The following STRIP1 variants were observed in gnomAD, a reference collection of about 807,000 sequenced individuals.
STRIP1 encodes striatin interacting protein 1, also known as striatin-interacting protein 1.
In STRIP1, 63 loss-of-function variants were observed where a neutral mutation model predicts 106.2. The ratio of observed to expected loss-of-function variants is 0.59; its 90% confidence interval spans 0.48 to 0.73. The LOEUF (loss-of-function observed/expected upper bound fraction) is 0.73. Among genes scored for constraint, STRIP1 ranks in the 30% least tolerant of loss-of-function variants. The pLI, the probability that STRIP1 is intolerant of heterozygous loss-of-function variation, is 0.00. For missense variants in STRIP1, 857 were observed against 1,074.8 expected (o/e 0.80, Z 2.83); for synonymous variants, 390 against 413.0 (o/e 0.94, Z 0.67).
intron 20 of STRIP1, among the ~76,000 whole-genome samples, chr1:110,052,275 T>C (rs1653334795): frequency 1.3e-5 from 2 of 152,130 alleles, no homozygotes; most frequent in African/African-American, 4.8e-5. Flanking sequence ...CTTTTTTACT[T>C]TGATGTTTTT....
chr1:110,037,096 A>G (rs761701220), intron 1 of STRIP1, among the ~76,000 whole-genome samples: 18 of 152,052 alleles, frequency 1.2e-4, no homozygotes, highest in Non-Finnish European at 1.6e-4. Flanking sequence ...CGGCCTCCCA[A>G]AGTGCTGGGA....
chr1:110,052,722 G>A (rs971024929), intron 20 of STRIP1, among the ~76,000 whole-genome samples: 9 of 151,986 alleles, frequency 5.9e-5, no homozygotes, highest in African/African-American at 1.5e-4. Context: ...CACCCACCTC[G>A]GCCTCCCAAA....
intron 19 of STRIP1, among the ~76,000 whole-genome samples, chr1:110,051,351 G>A (rs1653291948): frequency 6.6e-6 from 1 of 152,134 alleles, no homozygotes; most frequent in Non-Finnish European, 1.5e-5. Flanking sequence ...CTTAACTCTG[G>A]GTCTGTGGAT....
At chr1:110,033,968 A>G (rs546010535), upstream of STRIP1, among the ~76,000 whole-genome samples, 52 of 152,206 alleles carry the variant, frequency 3.4e-4, no homozygotes, top group Non-Finnish European at 6.0e-4. Context: ...GTTGAGTCTA[A>G]TTCCTCTTCT....
rs1652640493 is a variant in STRIP1 at position 110,039,279 on chromosome 1, G to A, written c.433G>A (p.Ala145Thr). 2 of 1,614,174 alleles carry A rather than the reference G, an allele frequency of 1.2e-6. No homozygotes were observed. Among genetic ancestry groups the A allele is most frequent in the Admixed American group, 1.7e-5 (1 of 60,022 alleles). ...VTAREKRLKV[A>T]RAILYVAQGT... ...TGCCAGGGAGAAGAGACTCAAGGTG[G>A]CTCGAGCAATTCTCTATGTTGCTCA... Residue 145 changes from alanine (A) to threonine (T), a missense_variant, in exon 4 of 21, where the codon GCT (alanine) becomes ACT (threonine). By Grantham distance (58) the Ala-to-Thr change is moderately conservative. Coordinates refer to ENST00000369795, the MANE Select transcript of STRIP1 (RefSeq NM_033088.4).
chr1:110,043,831 G>C lies in STRIP1; in HGVS notation c.1261G>C (p.Gly421Arg), dbSNP rs765701364. Reference protein sequence around the residue: ...PQTDRLTCPKGLPWAPKVREK... With the variant: ...PQTDRLTCPKRLPWAPKVREK... The stretch of plus-strand genomic sequence containing the variant: ...GACTGACAGGCTGACTTGCCCCAAA[G>C]GGCTCCCGTGGGCTCCCAAGGTCAG... Residue 421 changes from glycine to arginine, a missense_variant, in exon 10 of 21, where the codon GGG (glycine) becomes CGG (arginine). Gly to Arg is a moderately radical substitution (Grantham distance 125). This residue lies in a region of STRIP1 where 750 missense variants were observed against 989.8 expected (regional missense o/e 0.76). Coordinates refer to ENST00000369795, the MANE Select transcript of STRIP1 (RefSeq NM_033088.4). The C allele has an allele frequency of 1.2e-6, 2 of 1,613,868 alleles. No individual in the cohort carries two copies. Among genetic ancestry groups the C allele is most frequent in the African/African-American group, 2.7e-5 (2 of 74,932 alleles).
At chr1:110,036,541 T>C (rs989239723) in intron 1 of STRIP1, among the ~76,000 whole-genome samples, 1 of 152,212 alleles carries the variant, frequency 6.6e-6, no homozygotes, top group African/African-American at 2.4e-5. Flanking sequence ...TCTAAATCCA[T>C]TTCTTTATAG....
chr1:110,040,509 C>A, intron 5 of STRIP1, 126 bp from the exon 6 acceptor site: 1 of 838,502 alleles, frequency 1.2e-6, no homozygotes, highest in Non-Finnish European at 1.8e-6. Context: ...CCACCGTGTC[C>A]TGTGGCCTCT....
chr1:110,043,612 T>C (rs1167456136), intron 9 of STRIP1, 27 bp from the exon 10 acceptor site: 6 of 1,602,172 alleles, frequency 3.7e-6, no homozygotes, highest in South Asian at 1.1e-5. Context: ...AGTTGGCTCT[T>C]GTCTCATCTC....
chr1:110,049,799 C>A, intron 17 of STRIP1: 1 of 499,764 alleles, frequency 2.0e-6, no homozygotes, highest in Non-Finnish European at 3.5e-6. Flanking sequence ...GGTTTTCATC[C>A]CAGGATCTAG....
At position 110,047,551 on chromosome 1, in the gene STRIP1, G is replaced by A; in HGVS notation, c.1498G>A (p.Glu500Lys). ...LRSPLSGGEE[E>K]VEQVPAETLY... is the part of the protein sequence containing the mutation. Reference sequence around the variant, plus strand: ...CTCATTATGTTAAAAGGGAGAAGAAGAAGTTGAGCAAGTCCCTGCAGAAAC... The same window carrying A: ...CTCATTATGTTAAAAGGGAGAAGAAAAAGTTGAGCAAGTCCCTGCAGAAAC... Residue 500 changes from glutamate (E) to lysine (K), a missense_variant, in exon 14 of 21, where the codon GAA becomes AAA. Glu to Lys is a moderately conservative substitution (Grantham distance 56). Transcript: ENST00000369795. 1 of 1,611,616 alleles carries A rather than the reference G, an allele frequency of 6.2e-7. No individual in the cohort carries two copies. Among genetic ancestry groups the A allele is most frequent in the Non-Finnish European group, 8.5e-7 (1 of 1,178,864 alleles).
At chr1:110,039,700 A>C in intron 5 of STRIP1, 185 bp downstream of exon 5, 2 of 987,020 alleles carry the variant, frequency 2.0e-6, no homozygotes, top group Non-Finnish European at 3.0e-6. Flanking sequence ...AATGGAGACT[A>C]ATGACAGGTC....
chr1:110,053,995 C>A lies in STRIP1; in HGVS notation c.*83C>A. The A allele has an allele frequency of 6.6e-7, 1 of 1,524,152 alleles. No individual in the cohort carries two copies. The highest frequency in any genetic ancestry group is 8.9e-7 in the Non-Finnish European group (1 of 1,119,732). 94.4% of individuals were successfully genotyped at this position (1,524,152 alleles called of 1,614,324 possible). A position where few individuals can be genotyped will look rare whatever the true frequency, so the allele number is the denominator to read the frequency against. On this transcript the variant is annotated 3_prime_UTR_variant, in exon 21 of 21. Transcript: ENST00000369795. Reference sequence around the variant, plus strand: ...ACTGTCCTAGTTCATTGCTGCAGTGCTCCCATCCCCCACCAGGTGGCAGCA... The same window carrying A: ...ACTGTCCTAGTTCATTGCTGCAGTGATCCCATCCCCCACCAGGTGGCAGCA...
In STRIP1 at chr1:110,043,188, G is replaced by T. The variant is rs766271423; in HGVS notation, c.986G>T (p.Arg329Leu). ...PLPEDSIKVIRNMRAASPPAS... is the reference protein window; with the variant it reads ...PLPEDSIKVILNMRAASPPAS... ...CCTGAGGACAGCATCAAAGTGATTC[G>T]CAACATGAGAGCAGCCTCTCCACCA... The change falls in exon 9 of 21, where the codon CGC becomes CTC. Residue 329 changes from arginine (R) to leucine (L), a missense_variant. By Grantham distance (102) the Arg-to-Leu change is moderately radical. Coordinates refer to ENST00000369795, the MANE Select transcript of STRIP1 (RefSeq NM_033088.4). 6.2e-7 allele frequency: 1 copy of T among 1,613,966 alleles called. No homozygotes were observed. Among genetic ancestry groups the T allele is most frequent in the Non-Finnish European group, 8.5e-7 (1 of 1,180,028 alleles).
chr1:110,035,824 A>G (rs1188974287), intron 1 of STRIP1, among the ~76,000 whole-genome samples: 2 of 152,228 alleles, frequency 1.3e-5, no homozygotes, highest in East Asian at 3.8e-4. Flanking sequence ...TCAGTTCCTC[A>G]GAAGCTTTTA....
rs1013261352 is a variant in STRIP1 at position 110,037,990 on chromosome 1, G to A, written c.250+30G>A. ...CGCACAGACCTTTGTGTTATTTGGG[G>A]GTGGTTTTTTCCTTATTGGTCTTTA... On this transcript the variant is annotated intron_variant, in intron 2 of 20. Coordinates refer to ENST00000369795, the MANE Select transcript of STRIP1 (RefSeq NM_033088.4). 6 of 1,530,574 alleles carry A rather than the reference G, an allele frequency of 3.9e-6. No individual in the cohort carries two copies. The South Asian group carries it at 5.8e-5, about 15-fold the overall frequency. The allele number at this position is 1,530,574 out of a possible 1,614,324, so 94.8% of individuals were successfully genotyped here.
rs1653191014 is a variant in STRIP1 at position 110,049,481 on chromosome 1, C to T, written c.1810C>T (p.Leu604=). The change falls in exon 17 of 21, where the codon CTG becomes TTG. Residue 604 remains leucine (L), a synonymous_variant. Coordinates refer to ENST00000369795, the MANE Select transcript of STRIP1 (RefSeq NM_033088.4). ...TCAGTTTGAATACATGGCCCAGCAC[C>T]TGGTGTTTGCCAACTGCATTCCTTT... is the stretch of plus-strand genomic sequence containing the variant. ...VYQFEYMAQH[L]VFANCIPLIL... 1 of 1,611,556 alleles carries T rather than the reference C, an allele frequency of 6.2e-7. No individual in the cohort carries two copies. The highest frequency in any genetic ancestry group is 8.5e-7 in the Non-Finnish European group (1 of 1,178,880).
chr1:110,048,110 G>C (rs1570926344), intron 15 of STRIP1: 1 of 487,044 alleles, frequency 2.1e-6, no homozygotes. Flanking sequence ...GAGTGAATTG[G>C]GGAAAGTCAT....
At chr1:110,037,791 G>T in intron 1 of STRIP1, 100 bp from the exon 2 acceptor site, 1 of 781,346 alleles carries the variant, frequency 1.3e-6, no homozygotes, top group Non-Finnish European at 2.2e-6. Context: ...TAAAAAAGTG[G>T]AGGCAGTGGT....
Sources: gnomAD v4.1 joint callset for allele counts (sites outside exome capture counted in the v4.1 genomes callset) on GRCh38, gnomAD v4.1.1 for gene constraint, gnomAD v4.1.1 regional missense constraint, MANE v1.5 for transcripts, NCBI Gene and HGNC (gene_info 2026-07-23, HGNC 2026-07-21) for gene names.